Variants in RGS9 observed in about 807,000 individuals in gnomAD.
RGS9 encodes the protein regulator of G-protein signalling 9.
Under a neutral mutation model 102.0 loss-of-function variants are expected in RGS9, and 78 were observed. The ratio of observed to expected loss-of-function variants is 0.76; its 90% CI spans 0.64 to 0.92. The LOEUF is 0.92. RGS9 is among the 40% of genes least tolerant of loss of function. The pLI is 0.00. For missense variants in RGS9, 833 were observed against 866.1 expected, an observed-to-expected ratio of 0.96 and a Z score of 0.48; for synonymous variants, 353 against 318.6, an observed-to-expected ratio of 1.11 and a Z score of -1.15.
At chr17:65,159,584 G>T (rs1387628437) in intron 3 of RGS9, among the ~76,000 whole-genome samples, 1 of 152,088 alleles carries the variant, frequency 6.6e-6, no homozygotes, top group African/African-American at 2.4e-5. Flanking sequence ...AGGAATGGAG[G>T]GATGGAATCC....
intron 17 of RGS9, among the ~76,000 whole-genome samples, chr17:65,224,691 T>C (rs1021516600): frequency 3.3e-5 from 5 of 152,072 alleles, no homozygotes; most frequent in South Asian, 2.1e-4. Context: ...TGATCGGGAA[T>C]GCAGCCTGGC....
intron 7 of RGS9, among the ~76,000 whole-genome samples, chr17:65,163,536 C>A (rs1297916854): frequency 3.3e-5 from 5 of 152,006 alleles, no homozygotes; most frequent in African/African-American, 1.2e-4. Context: ...CATTTATGTG[C>A]CTAACACTGG....
intron 2 of RGS9, among the ~76,000 whole-genome samples, chr17:65,154,510 A>T (rs1910697907): frequency 6.6e-6 from 1 of 151,964 alleles, no homozygotes; most frequent in African/African-American, 2.4e-5. Flanking sequence ...TTTTAATGAA[A>T]CCAAGTAGCA....
intron 14 of RGS9, among the ~76,000 whole-genome samples, chr17:65,203,643 C>T (rs1912937361): frequency 6.6e-6 from 1 of 152,228 alleles, no homozygotes; most frequent in South Asian, 2.1e-4. Context: ...CAAGTTTGGT[C>T]TAATTGGGAG....
intron 17 of RGS9, among the ~76,000 whole-genome samples, chr17:65,221,500 C>T (rs76518340): frequency 0.049 from 7,462 of 152,244 alleles, 722 homozygotes; most frequent in East Asian, 0.29. Context: ...AAGCAAGGCC[C>T]TTTGGGTCAC....
chr17:65,224,896 A>C, intron 17 of RGS9, 106 bp from the exon 18 acceptor site: 1 of 1,486,756 alleles, frequency 6.7e-7, no homozygotes, highest in Non-Finnish European at 9.3e-7. Flanking sequence ...TCAGGCCCGC[A>C]CTCTTGTCGC....
At chr17:65,207,052 C>T (rs141928448) in intron 15 of RGS9, among the ~76,000 whole-genome samples, 5 of 152,310 alleles carry the variant, frequency 3.3e-5, no homozygotes, top group South Asian at 2.1e-4. Context: ...TTAAAAGTAA[C>T]GAGCATTCAT....
chr17:65,227,227 C>A, intron 18 of RGS9, 48 bp from the exon 19 acceptor site: 3 of 1,613,228 alleles, frequency 1.9e-6, no homozygotes, highest in Non-Finnish European at 2.5e-6. Flanking sequence ...AGGTGCAGTC[C>A]CTCCTGCCCC....
intron 14 of RGS9, among the ~76,000 whole-genome samples, chr17:65,202,434 TGTGTGTGTGTGAGA>T (rs1225040092): frequency 2.9e-5 from 4 of 136,390 alleles, no homozygotes; most frequent in African/African-American, 5.8e-5. Flanking sequence ...TGTGTGTGTG[TGTGTGTGTGTGAGA>T]GAGAGAGAGA....
rs372679666 is a variant in RGS9, at chr17:65,227,635, G to T, written c.*228G>T. 46 of 587,488 alleles carry T rather than the reference G, an allele frequency of 7.8e-5. No individual in the cohort carries two copies. Among genetic ancestry groups the T allele is most frequent in the Non-Finnish European group, 1.1e-4 (38 of 330,582 alleles). 36.4% of individuals were successfully genotyped at this position (587,488 alleles called of 1,614,324 possible). On this transcript the variant is annotated 3_prime_UTR_variant, in exon 19 of 19. Coordinates refer to ENST00000262406, the MANE Select transcript of RGS9 (RefSeq NM_003835.4). The stretch of plus-strand genomic sequence containing the variant: ...CCTCCCTCCCCTGGGCAGAAGAAAC[G>T]CATGTGGACCAGAAGACTTTCCCTG...
At chr17:65,141,630 A>G (rs1413204622) in intron 1 of RGS9, among the ~76,000 whole-genome samples, 1 of 152,218 alleles carries the variant, frequency 6.6e-6, no homozygotes, top group Non-Finnish European at 1.5e-5. Flanking sequence ...GGAGAAAGAC[A>G]GATGTATAAA....
intron 15 of RGS9, among the ~76,000 whole-genome samples, chr17:65,207,167 C>T (rs998542953): frequency 1.3e-5 from 2 of 152,072 alleles, no homozygotes; most frequent in Non-Finnish European, 2.9e-5. Context: ...GCCTTTACAC[C>T]CAAAACACAG....
chr17:65,171,126 T>C (rs895949979), intron 8 of RGS9, among the ~76,000 whole-genome samples: 4 of 152,184 alleles, frequency 2.6e-5, no homozygotes, highest in Non-Finnish European at 4.4e-5. Context: ...CCAACAGTTG[T>C]AGAGTGAGAC....
intron 14 of RGS9, among the ~76,000 whole-genome samples, chr17:65,203,268 G>A (rs1483663059): frequency 1.3e-5 from 2 of 150,910 alleles, no homozygotes; most frequent in African/African-American, 4.9e-5. Flanking sequence ...TGCGCTGAGA[G>A]AAATGGGGGT....
At chr17:65,178,310 A>G (rs1251854603) in intron 9 of RGS9, among the ~76,000 whole-genome samples, 1 of 152,004 alleles carries the variant, frequency 6.6e-6, no homozygotes, top group African/African-American at 2.4e-5. Context: ...CTTTGTAAAG[A>G]TTCTCCAAGC....
In RGS9 at chr17:65,165,512, C is replaced by G. The variant is rs1200369879; in HGVS notation, c.500+2423C>G. ...TATGCTGAGTCCTGTCTTCCAAGTT[C>G]CACACTCAGCACCCAGACAGCTACT... is the stretch of plus-strand genomic sequence containing the variant. On this transcript the variant is annotated intron_variant, in intron 7 of 18. Coordinates refer to ENST00000262406, the MANE Select transcript of RGS9 (RefSeq NM_003835.4). Among the ~76,000 whole-genome samples, 2 of 152,174 alleles carry G rather than the reference C, an allele frequency of 1.3e-5. 1 individual carries two copies. Among genetic ancestry groups the G allele is most frequent in the East Asian group, 3.8e-4 (2 of 5,198 alleles).
chr17:65,153,895 A>C (rs140147924), intron 2 of RGS9, among the ~76,000 whole-genome samples: 1 of 152,226 alleles, frequency 6.6e-6, no homozygotes, highest in Non-Finnish European at 1.5e-5. Flanking sequence ...GTCTCAAACA[A>C]AACAAAACAA....
At chr17:65,144,147 G>T (rs761829204) in intron 1 of RGS9, among the ~76,000 whole-genome samples, 1 of 152,280 alleles carries the variant, frequency 6.6e-6, no homozygotes, top group Non-Finnish European at 1.5e-5. Flanking sequence ...GCTGGACTCT[G>T]TGTGGCCAGG....
At chr17:65,219,791 C>T (rs1365596885) in intron 17 of RGS9, among the ~76,000 whole-genome samples, 1 of 152,100 alleles carries the variant, frequency 6.6e-6, no homozygotes, top group African/African-American at 2.4e-5. Context: ...ATCATCACCA[C>T]CATCATCATT....
Sources: gnomAD v4.1 joint callset for allele counts (sites outside exome capture counted in the v4.1 genomes callset) on GRCh38, gnomAD v4.1.1 for gene constraint, MANE v1.5 for transcripts, NCBI Gene and HGNC (gene_info 2026-07-23, HGNC 2026-07-21) for gene names.